The following CELF4 variants were observed in gnomAD, a reference collection of about 807,000 sequenced individuals.
CELF4 encodes CUGBP Elav-like family member 4, also known as CUG-BP- and ETR-3-like factor 4.
In CELF4, 18 loss-of-function variants were observed where a neutral mutation model predicts 59.9. The observed-to-expected ratio is 0.30, with a 90% CI of 0.21 to 0.45. CELF4 has a LOEUF of 0.45. Among genes scored for constraint, CELF4 ranks in the 20% least tolerant of loss-of-function variants. The pLI, the probability that CELF4 is intolerant of heterozygous loss-of-function variation, is 1.00. For missense variants in CELF4, 456 were observed against 689.0 expected (o/e 0.66, Z 3.79); for synonymous variants, 261 against 267.1 (o/e 0.98, Z 0.22).
intron 2 of CELF4, among the ~76,000 whole-genome samples, chr18:37,329,623 G>A (rs980429023): frequency 3.9e-5 from 6 of 152,226 alleles, no homozygotes; most frequent in Non-Finnish European, 5.9e-5. Context: ...CCTGTGTCTA[G>A]GCCACTGCTG....
At chr18:37,258,146 G>C (rs980277924) in intron 11 of CELF4, among the ~76,000 whole-genome samples, 6 of 152,126 alleles carry the variant, frequency 3.9e-5, no homozygotes, top group African/African-American at 1.4e-4. Flanking sequence ...ATGCTTTCGA[G>C]TTTTCCCTCT....
At chr18:37,464,017 A>T (rs2099800986) in intron 2 of CELF4, among the ~76,000 whole-genome samples, 1 of 151,854 alleles carries the variant, frequency 6.6e-6, no homozygotes, top group African/African-American at 2.4e-5. Context: ...CCTCCTCCTG[A>T]CCCCGAACTC....
chr18:37,361,422 C>G (rs2098701370), intron 2 of CELF4, among the ~76,000 whole-genome samples: 1 of 152,280 alleles, frequency 6.6e-6, no homozygotes, highest in South Asian at 2.1e-4. Context: ...GTTTGGCAGG[C>G]TGGCCAGGCT....
At chr18:37,550,706 C>T (rs1450244773) in intron 1 of CELF4, among the ~76,000 whole-genome samples, 2 of 152,232 alleles carry the variant, frequency 1.3e-5, no homozygotes, top group South Asian at 2.1e-4. Flanking sequence ...TGGAGTTCTG[C>T]CTGGGCAACA....
At chr18:37,553,642 C>T (rs1603644048) in intron 1 of CELF4, among the ~76,000 whole-genome samples, 1 of 152,168 alleles carries the variant, frequency 6.6e-6, no homozygotes, top group East Asian at 1.9e-4. Flanking sequence ...GTTTTCTGAT[C>T]CTCCTCTCTG....
chr18:37,243,356 A>G lies in CELF4; in HGVS notation c.*1886T>C, dbSNP rs1275551187. The G allele has an allele frequency of 6.6e-6, 1 of 152,120 alleles. No individual in the cohort carries two copies. Among genetic ancestry groups the G allele is most frequent in the Non-Finnish European group, 1.5e-5 (1 of 68,022 alleles). The allele number at this position is 152,120 out of a possible 1,614,324, so 9.4% of individuals were successfully genotyped here. ...CTAAAGGGAAACTGGTAGGTCTGAG[A>G]ACCCCCGGCCTCCAGATGACCTGGA... On this transcript the variant is annotated 3_prime_UTR_variant, in exon 13 of 13. Coordinates refer to ENST00000420428, the MANE Select transcript of CELF4 (RefSeq NM_020180.4).
rs746832020 is a variant in CELF4, at chr18:37,253,129, C to G, written c.*44+638G>C. On this transcript the variant is annotated intron_variant, in intron 12 of 12. Coordinates refer to ENST00000420428, the MANE Select transcript of CELF4 (RefSeq NM_020180.4). The surrounding 1 kb of genome is among the most constrained non-coding windows in gnomAD (Gnocchi z 4.5). Reference sequence around the variant, plus strand: ...CCCAGCCCAGCAGAAAAGGTAACAACGACCACTCATCATGACCCGTGTGGG... The same window carrying G: ...CCCAGCCCAGCAGAAAAGGTAACAAGGACCACTCATCATGACCCGTGTGGG... 3.1e-4 allele frequency among the ~76,000 whole-genome samples: 47 copies of G among 152,280 alleles called. No individual in the cohort carries two copies. The highest frequency in any genetic ancestry group is 3.8e-4 in the Non-Finnish European group (26 of 68,022).
intron 2 of CELF4, among the ~76,000 whole-genome samples, chr18:37,451,138 G>A (rs560441775): frequency 7.2e-5 from 11 of 152,326 alleles, no homozygotes; most frequent in Non-Finnish European, 1.2e-4. Flanking sequence ...GCTGCCCCCC[G>A]TCCCACTGCA....
At chr18:37,332,195 C>G (rs1442232454) in intron 2 of CELF4, among the ~76,000 whole-genome samples, 1 of 152,124 alleles carries the variant, frequency 6.6e-6, no homozygotes, top group Non-Finnish European at 1.5e-5. Context: ...GCCCAAATTT[C>G]CCCAGGTTGC....
chr18:37,494,738 G>A (rs1429411243), intron 1 of CELF4, among the ~76,000 whole-genome samples: 4 of 152,114 alleles, frequency 2.6e-5, no homozygotes, highest in Non-Finnish European at 5.9e-5. Flanking sequence ...GCTATTTTTG[G>A]GCTCAGTTCC....
At chr18:37,455,704 G>A (rs2099776244) in intron 2 of CELF4, among the ~76,000 whole-genome samples, 1 of 152,208 alleles carries the variant, frequency 6.6e-6, no homozygotes, top group African/African-American at 2.4e-5. Flanking sequence ...CACGCTTTTA[G>A]GTCATAGACA....
At chr18:37,503,354 C>T (rs958418780) in intron 1 of CELF4, among the ~76,000 whole-genome samples, 6 of 152,316 alleles carry the variant, frequency 3.9e-5, no homozygotes, top group African/African-American at 9.6e-5. Flanking sequence ...GCAGGCTCGG[C>T]GAGCTCTTAT....
chr18:37,446,007 T>C (rs149390353), intron 2 of CELF4, among the ~76,000 whole-genome samples: 100 of 152,318 alleles, frequency 6.6e-4, no homozygotes, highest in Non-Finnish European at 9.1e-4. Context: ...TTACAGAGAA[T>C]GAGAAGGAGG....
chr18:37,529,402 C>G (rs2099967138), intron 1 of CELF4, among the ~76,000 whole-genome samples: 1 of 152,198 alleles, frequency 6.6e-6, no homozygotes, highest in African/African-American at 2.4e-5. Flanking sequence ...TGTCTCTGAC[C>G]TCAAGGAGCT....
chr18:37,451,738 C>T (rs999366827), intron 2 of CELF4, among the ~76,000 whole-genome samples: 22 of 152,280 alleles, frequency 1.4e-4, no homozygotes, highest in Admixed American at 3.9e-4. Context: ...TCAGACATGA[C>T]GTGGGACAGC....
At chr18:37,427,953 T>C (rs559029512) in intron 2 of CELF4, among the ~76,000 whole-genome samples, 56 of 152,344 alleles carry the variant, frequency 3.7e-4, no homozygotes, top group Admixed American at 1.4e-3. Context: ...CTGGAGAAAG[T>C]GTCTACGGTG....
chr18:37,464,116 C>T (rs1416511045), intron 2 of CELF4, among the ~76,000 whole-genome samples: 5 of 152,198 alleles, frequency 3.3e-5, no homozygotes, highest in Non-Finnish European at 5.9e-5. Context: ...TGAACGGTAA[C>T]GGGAAAGCTG....
At chr18:37,369,892 C>T (rs1382477397) in intron 2 of CELF4, among the ~76,000 whole-genome samples, 2 of 152,258 alleles carry the variant, frequency 1.3e-5, no homozygotes, top group African/African-American at 2.4e-5. Context: ...ACTGTGCCTT[C>T]TGCATGAGAG....
At chr18:37,296,083 T>G (rs181116466) in intron 3 of CELF4, among the ~76,000 whole-genome samples, 232 of 152,318 alleles carry the variant, frequency 1.5e-3, no homozygotes, top group Admixed American at 3.5e-3. Context: ...AAAATCCTCA[T>G]TCCAGTGACT....
Sources: gnomAD v4.1 joint callset for allele counts (sites outside exome capture counted in the v4.1 genomes callset) on GRCh38, gnomAD v4.1.1 for gene constraint, Gnocchi (gnomAD v3.1) non-coding constraint, MANE v1.5 for transcripts, NCBI Gene and HGNC (gene_info 2026-07-23, HGNC 2026-07-21) for gene names.